The following ARL2BP variants were observed in gnomAD, a reference collection of about 807,000 sequenced individuals.
ARL2BP encodes the protein ADP-ribosylation factor-like protein 2-binding protein.
Under a neutral mutation model 24.2 loss-of-function variants are expected in ARL2BP, and 19 were observed. That is an observed-to-expected ratio of 0.79 (90% CI 0.55 to 1.15). ARL2BP has a LOEUF of 1.15. ARL2BP is among the 50% of genes most tolerant of loss of function. The probability of loss-of-function intolerance (pLI) is 0.00; values close to 1 mark genes in which losing one functional copy is unlikely to be tolerated. For synonymous variants in ARL2BP, 56 were observed against 70.5 expected (o/e 0.79, Z 1.03); for missense variants, 160 against 190.4 (o/e 0.84, Z 0.94).
chr16:57,249,543 C>G, intron 3 of ARL2BP: 2 of 549,120 alleles, frequency 3.6e-6, no homozygotes, highest in Middle Eastern at 4.1e-4. Flanking sequence ...GAGCATCCAC[C>G]CTGTTACAGC....
Position 57,253,227 on chromosome 16 carries a change from T to C in ARL2BP, c.*960T>C, listed in dbSNP as rs1369875139. 6.6e-6 allele frequency: 1 copy of C among 152,582 alleles called. No individual in the cohort carries two copies. Among genetic ancestry groups the C allele is most frequent in the Non-Finnish European group, 1.5e-5 (1 of 68,060 alleles). 9.5% of individuals were successfully genotyped at this position (152,582 alleles called of 1,614,324 possible). A position where few individuals can be genotyped will look rare whatever the true frequency, so the allele number is the denominator to read the frequency against. Reference sequence around the variant, plus strand: ...AAAATCCTTTGTGTATAAACCAGTTTGTAAGGTTCTCTGGGTTAGGTAGGG... The same window carrying C: ...AAAATCCTTTGTGTATAAACCAGTTCGTAAGGTTCTCTGGGTTAGGTAGGG... On this transcript the variant is annotated 3_prime_UTR_variant, in exon 6 of 6. Coordinates refer to ENST00000219204, the MANE Select transcript of ARL2BP (RefSeq NM_012106.4).
At position 57,253,349 on chromosome 16, in the gene ARL2BP, T is replaced by G. The variant is rs2075414432; in HGVS notation, c.*1082T>G. On this transcript the variant is annotated 3_prime_UTR_variant, in exon 6 of 6. Transcript: ENST00000219204. ...GCAGGTAGAGCACAGCTTTACTGGC[T>G]GTTTGTATGCTTTGGTTTAGTGCAA... The G allele has an allele frequency of 6.6e-6, 1 of 152,244 alleles. No homozygotes were observed. Among genetic ancestry groups the G allele is most frequent in the Admixed American group, 6.5e-5 (1 of 15,288 alleles). The allele number at this position is 152,244 out of a possible 1,614,324, so 9.4% of individuals were successfully genotyped here. A position where few individuals can be genotyped will look rare whatever the true frequency, so the allele number is the denominator to read the frequency against.
intron 2 of ARL2BP, 139 bp from the exon 3 acceptor site, chr16:57,248,398 C>A: frequency 2.3e-6 from 1 of 435,602 alleles, no homozygotes; most frequent in South Asian, 6.4e-5. Flanking sequence ...CCATTTAATA[C>A]CCCCTTAAAA....
At chr16:57,246,220 A>T (rs1597951729) in intron 2 of ARL2BP, 79 bp downstream of exon 2, 1 of 1,406,094 alleles carries the variant, frequency 7.1e-7, no homozygotes, top group East Asian at 2.3e-5. Context: ...AGTTAATTTT[A>T]AAAAGAGAAA....
Position 57,252,168 on chromosome 16 carries a change from A to G in ARL2BP, c.393A>G (p.Glu131=), listed in dbSNP as rs766235797. Residue 131 remains glutamate, a splice_region_variant and synonymous_variant, in exon 6 of 6, where the codon GAA becomes GAG. Coordinates refer to ENST00000219204, the MANE Select transcript of ARL2BP (RefSeq NM_012106.4). The stretch of plus-strand genomic sequence containing the variant: ...CCTTTGGTTGTTTTCTCATATAGGA[A>G]AAAGAAGGCCGAGGACTGGACTTAA... ...FKEMFLDYRA[E]KEGRGLDLSS... 6.2e-7 allele frequency: 1 copy of G among 1,613,710 alleles called. No individual in the cohort carries two copies. Among genetic ancestry groups the G allele is most frequent in the Non-Finnish European group, 8.5e-7 (1 of 1,179,980 alleles).
At chr16:57,248,408 ACAT>A in intron 2 of ARL2BP, 126 bp from the exon 3 acceptor site, 1 of 492,646 alleles carries the variant, frequency 2.0e-6, no homozygotes, top group Non-Finnish European at 3.7e-6. Context: ...CCCCCTTAAA[ACAT>A]CAGCTTTCCT....
rs767506405 is a variant in ARL2BP at position 57,245,356 on chromosome 16, G to A, written c.-12G>A. On this transcript the variant is annotated 5_prime_UTR_variant, in exon 1 of 6. Transcript: ENST00000219204. Reference sequence around the variant, plus strand: ...CCGCGGGCGGGGTTGGAGCCTACTCGGGGCGACTGCGATGGACGCCTTAGA... The same window carrying A: ...CCGCGGGCGGGGTTGGAGCCTACTCAGGGCGACTGCGATGGACGCCTTAGA... 2.1e-5 allele frequency: 33 copies of A among 1,604,788 alleles called. No homozygotes were observed. Among genetic ancestry groups the A allele is most frequent in the Non-Finnish European group, 2.6e-5 (31 of 1,176,724 alleles).
chr16:57,249,877 G>GTGTTT (rs747795838), intron 4 of ARL2BP, 25 bp downstream of exon 4: 147 of 1,609,906 alleles, frequency 9.1e-5, no homozygotes, highest in Non-Finnish European at 1.2e-4. Context: ...ACTGATTTTT[G>GTGTTT]TGTTTTGTTT....
Position 57,252,347 on chromosome 16 carries a change from C to A in ARL2BP, c.*80C>A, listed in dbSNP as rs778576919. On this transcript the variant is annotated 3_prime_UTR_variant, in exon 6 of 6. Coordinates refer to ENST00000219204, the MANE Select transcript of ARL2BP (RefSeq NM_012106.4). ...CTCAGCTCATGATGACAGAACACAT[C>A]TTGGAAAGACTGACTCTGTTATGTA... 1 of 1,609,818 alleles carries A rather than the reference C, an allele frequency of 6.2e-7. No homozygotes were observed. The highest frequency in any genetic ancestry group is 1.1e-5 in the South Asian group (1 of 90,656).
At chr16:57,246,182 C>A (rs369932682) in intron 2 of ARL2BP, 41 bp downstream of exon 2, 161 of 1,561,870 alleles carry the variant, frequency 1.0e-4, no homozygotes, top group Non-Finnish European at 1.3e-4. Flanking sequence ...TTGCTTGTTT[C>A]TTTAAGGACA....
chr16:57,250,296 A>C (rs531143329), intron 4 of ARL2BP, 115 bp from the exon 5 acceptor site: 24 of 927,546 alleles, frequency 2.6e-5, no homozygotes, highest in African/African-American at 2.3e-4. Flanking sequence ...TCTCTAAAAA[A>C]ACAAAACAAA....
At chr16:57,248,667 A>T in intron 3 of ARL2BP, 24 bp downstream of exon 3, 1 of 1,385,658 alleles carries the variant, frequency 7.2e-7, no homozygotes, top group Non-Finnish European at 9.9e-7. Flanking sequence ...TATGTCTCCT[A>T]CCAGGAGGTC....
chr16:57,245,727 G>A (rs2075388198), intron 1 of ARL2BP: 1 of 505,754 alleles, frequency 2.0e-6, no homozygotes, highest in Admixed American at 3.6e-5. Context: ...ACCCCTCCCT[G>A]GCCCCCGCCT....
In ARL2BP at chr16:57,245,319, A is replaced by C; in HGVS notation, c.-49A>C. 6.3e-7 allele frequency: 1 copy of C among 1,588,394 alleles called. No homozygotes were observed. The highest frequency in any genetic ancestry group is 1.8e-5 in the Admixed American group (1 of 55,262). On this transcript the variant is annotated 5_prime_UTR_variant, in exon 1 of 6. The change abolishes an upstream ATG in the 5' untranslated region. Coordinates refer to ENST00000219204, the MANE Select transcript of ARL2BP (RefSeq NM_012106.4). ...ACCCCGCCGGGCGGCCGCGCCCTGC[A>C]TGCGAGTTGGGCCGCGGGCGGGGTT...
intron 2 of ARL2BP, chr16:57,247,269 A>G (rs182117963): frequency 6.6e-6 from 1 of 152,302 alleles, no homozygotes; most frequent in African/African-American, 2.4e-5. Flanking sequence ...TCTCTTGCCT[A>G]TTATACCCTA....
rs1597951225 is a variant in ARL2BP at position 57,245,399 on chromosome 16, T to C, written c.32T>C (p.Leu11Pro). Reference sequence around the variant, plus strand: ...GCCTTAGAAGGAGAGAGCTTTGCGCTGTCTTTGTGAGTAGCTCCTCCAGGG... The same window carrying C: ...GCCTTAGAAGGAGAGAGCTTTGCGCCGTCTTTGTGAGTAGCTCCTCCAGGG... Reference protein sequence around the residue: MDALEGESFALSFSSASDAEF... With the variant: MDALEGESFAPSFSSASDAEF... Residue 11 changes from leucine (L) to proline (P), a missense_variant, in exon 1 of 6, where the codon CTG becomes CCG. Leu to Pro is a moderately conservative substitution (Grantham distance 98, BLOSUM62 -3). Coordinates refer to ENST00000219204, the MANE Select transcript of ARL2BP (RefSeq NM_012106.4). 8.7e-6 allele frequency: 14 copies of C among 1,607,106 alleles called. No individual in the cohort carries two copies. In the East Asian group the frequency reaches 3.1e-4, roughly 36 times the overall value.
At chr16:57,249,683 T>C (rs1597953346) in intron 3 of ARL2BP, 84 bp from the exon 4 acceptor site, 6 of 1,126,224 alleles carry the variant, frequency 5.3e-6, no homozygotes, top group Non-Finnish European at 8.0e-6. Flanking sequence ...CAGGAAATGT[T>C]TAGAAAGGGC....
chr16:57,247,853 A>T (rs1567525639), intron 2 of ARL2BP, among the ~76,000 whole-genome samples: 1 of 152,206 alleles, frequency 6.6e-6, no homozygotes, highest in Admixed American at 6.5e-5. Flanking sequence ...TCCTTTTCAG[A>T]AAAGTAATGT....
At position 57,252,951 on chromosome 16, in the gene ARL2BP, A is replaced by G. The variant is rs537202092; in HGVS notation, c.*684A>G. On this transcript the variant is annotated 3_prime_UTR_variant, in exon 6 of 6. Transcript: ENST00000219204. ...TTTAAGCATTATTTTTGAAAAAAAA[A>G]ATATTTTTATAGATGAATACTCAGG... The G allele has an allele frequency of 6.5e-6, 1 of 152,832 alleles. No individual in the cohort carries two copies. The highest frequency in any genetic ancestry group is 1.5e-5 in the Non-Finnish European group (1 of 68,216). The allele number at this position is 152,832 out of a possible 1,614,324, so 9.5% of individuals were successfully genotyped here.
Sources: allele counts gnomAD v4.1 joint callset (sites outside exome capture counted in the v4.1 genomes callset), GRCh38; gene constraint gnomAD v4.1.1; transcripts MANE v1.5; gene names NCBI Gene and HGNC (gene_info 2026-07-23, HGNC 2026-07-21).